The following POU6F2 variants were observed in gnomAD, a reference collection of about 807,000 sequenced individuals.
POU6F2 encodes POU domain, class 6, transcription factor 2.
A neutral mutation model predicts 71.3 loss-of-function variants in POU6F2; 31 were observed. That is an observed-to-expected ratio of 0.43 (90% CI 0.33 to 0.59). The LOEUF is 0.59. Among genes scored for constraint, POU6F2 ranks in the 20% least tolerant of loss-of-function variants. The probability of loss-of-function intolerance (pLI) is 0.04; values close to 1 mark genes in which losing one functional copy is unlikely to be tolerated. For missense variants in POU6F2, 783 were observed against 856.8 expected (o/e 0.91, Z 1.07); for synonymous variants, 347 against 355.7 (o/e 0.98, Z 0.27).
At chr7:39,297,196 TACACACACACACAC>T (rs61192418) in intron 4 of POU6F2, among the ~76,000 whole-genome samples, 33 of 139,114 alleles carry the variant, frequency 2.4e-4, no homozygotes, top group African/African-American at 7.4e-4. Flanking sequence ...CACATACACA[TACACACACACACAC>T]ACACACACAC....
At chr7:39,325,529 T>C (rs573629409) in intron 4 of POU6F2, among the ~76,000 whole-genome samples, 1 of 152,346 alleles carries the variant, frequency 6.6e-6, no homozygotes, top group South Asian at 2.1e-4. Flanking sequence ...AAGAAGTCTC[T>C]TGCTGTATAC....
intron 7 of POU6F2, among the ~76,000 whole-genome samples, chr7:39,436,110 T>G (rs140084419): frequency 0.015 from 2,351 of 152,302 alleles, 44 homozygotes; most frequent in East Asian, 0.06. Context: ...ATATGGGGTC[T>G]TCTTTGATTC....
chr7:39,278,629 G>A (rs4723839), intron 4 of POU6F2, among the ~76,000 whole-genome samples: 72,891 of 151,636 alleles, frequency 0.48, 18,993 homozygotes, highest in East Asian at 0.69. Context: ...TCCCACCCCT[G>A]TGTAAGGGCT....
intron 2 of POU6F2, among the ~76,000 whole-genome samples, chr7:39,128,679 A>G (rs1253612394): frequency 6.6e-6 from 1 of 152,228 alleles, no homozygotes; most frequent in Non-Finnish European, 1.5e-5. Context: ...TTCTTATTCA[A>G]TGTGTTTATT....
intron 2 of POU6F2, among the ~76,000 whole-genome samples, chr7:39,155,774 TGAAA>T (rs1289580389): frequency 2.6e-5 from 4 of 152,194 alleles, no homozygotes. Flanking sequence ...AAGATAGACT[TGAAA>T]GAGAGAAATT....
intron 4 of POU6F2, among the ~76,000 whole-genome samples, chr7:39,249,888 T>C (rs1783883941): frequency 6.6e-6 from 1 of 152,164 alleles, no homozygotes; most frequent in Non-Finnish European, 1.5e-5. Flanking sequence ...GAAACAGCCA[T>C]ATAAGCATAA....
intron 2 of POU6F2, among the ~76,000 whole-genome samples, chr7:39,125,751 A>G (rs1476586175): frequency 6.6e-6 from 1 of 152,198 alleles, no homozygotes; most frequent in Non-Finnish European, 1.5e-5. Flanking sequence ...TGTTAAAAAA[A>G]AATATTGATT....
At position 39,429,118 on chromosome 7, in the gene POU6F2, T is replaced by TAA. The variant is rs60711102; in HGVS notation, c.1114-3947_1114-3946dup. 5.4e-3 allele frequency among the ~76,000 whole-genome samples: 800 copies of TAA among 148,804 alleles called. 3 individuals are homozygous for TAA. The highest frequency in any genetic ancestry group is 9.6e-3 in the Admixed American group (144 of 14,978). On this transcript the variant is annotated intron_variant, in intron 6 of 9. Transcript: ENST00000518318. Reference sequence around the variant, plus strand: ...CCTAGAACTTAAAGCATAATAATAATAAAAAAAAAAAAACTCACTCATCGG... The same window carrying TAA: ...CCTAGAACTTAAAGCATAATAATAATAAAAAAAAAAAAAAACTCACTCATCGG...
At chr7:39,136,743 C>A (rs1792395929) in intron 2 of POU6F2, among the ~76,000 whole-genome samples, 1 of 151,860 alleles carries the variant, frequency 6.6e-6, no homozygotes, top group African/African-American at 2.4e-5. Flanking sequence ...CCTGTAATCC[C>A]AGCACTTTGG....
chr7:39,428,970 G>T (rs112766424), intron 6 of POU6F2, among the ~76,000 whole-genome samples: 41 of 114,578 alleles, frequency 3.6e-4, no homozygotes, highest in Admixed American at 2.3e-3. Flanking sequence ...GTCGTAGGGT[G>T]GGGGGAGGGG....
At chr7:39,440,754 A>T (rs918659307) in intron 7 of POU6F2, among the ~76,000 whole-genome samples, 4 of 152,192 alleles carry the variant, frequency 2.6e-5, no homozygotes, top group Non-Finnish European at 4.4e-5. Context: ...TTGGAGGAGA[A>T]GAGGCACTCT....
chr7:39,127,016 C>A (rs1032616907), intron 2 of POU6F2, among the ~76,000 whole-genome samples: 1 of 151,842 alleles, frequency 6.6e-6, no homozygotes, highest in Non-Finnish European at 1.5e-5. Context: ...TAAAGACAAA[C>A]AAGGAATTAA....
At chr7:39,034,632 G>A (rs1200888768) in intron 1 of POU6F2, 7 of 246,814 alleles carry the variant, frequency 2.8e-5, no homozygotes, top group African/African-American at 6.7e-5. Flanking sequence ...CAATCAATGC[G>A]ATTTTTCTAT....
chr7:39,213,292 T>G (rs1340751329), intron 4 of POU6F2, among the ~76,000 whole-genome samples: 1 of 152,190 alleles, frequency 6.6e-6, no homozygotes, highest in East Asian at 1.9e-4. Context: ...CCCGGTTTTC[T>G]CTGACTCCCC....
intron 4 of POU6F2, among the ~76,000 whole-genome samples, chr7:39,306,481 A>AAAACCCATGCTCTCCC (rs1237887058): frequency 1.5e-4 from 23 of 152,304 alleles, no homozygotes; most frequent in Admixed American, 1.4e-3. Context: ...ATAGATCTCC[A>AAAACCCATGCTCTCCC]AAACCCATGC....
chr7:39,396,443 C>T (rs931545703), intron 5 of POU6F2, among the ~76,000 whole-genome samples: 1 of 152,166 alleles, frequency 6.6e-6, no homozygotes, highest in Non-Finnish European at 1.5e-5. Context: ...TCATTGATAA[C>T]TCTGCACAAC....
At chr7:38,993,297 G>T (rs971155839) in intron 1 of POU6F2, among the ~76,000 whole-genome samples, 1 of 151,964 alleles carries the variant, frequency 6.6e-6, no homozygotes, top group African/African-American at 2.4e-5. Context: ...AAGGAAAAAG[G>T]AATATAGGCA....
At chr7:39,317,412 C>T (rs993698447) in intron 4 of POU6F2, among the ~76,000 whole-genome samples, 3 of 152,214 alleles carry the variant, frequency 2.0e-5, no homozygotes, top group Non-Finnish European at 2.9e-5. Context: ...TTGCCTGGAA[C>T]ATAGTAGGCT....
At chr7:39,227,489 C>G (rs544673903) in intron 4 of POU6F2, among the ~76,000 whole-genome samples, 10 of 151,624 alleles carry the variant, frequency 6.6e-5, no homozygotes, top group African/African-American at 2.4e-4. Flanking sequence ...AAAAGAGCAA[C>G]TCCTAGGCCC....
Sources: gnomAD v4.1 joint callset for allele counts (sites outside exome capture counted in the v4.1 genomes callset) on GRCh38, gnomAD v4.1.1 for gene constraint, MANE v1.5 for transcripts, NCBI Gene and HGNC (gene_info 2026-07-23, HGNC 2026-07-21) for gene names.